DYM: variants seen among roughly 807,000 people sequenced by gnomAD.
The protein encoded by DYM is dyggve-Melchior-Clausen syndrome protein.
DYM carries 78 observed loss-of-function variants against 93.1 expected under a neutral mutation model. That is an observed-to-expected ratio of 0.84 (90% CI 0.70 to 1.01). The LOEUF is 1.01. DYM is among the 50% of genes least tolerant of loss of function. The pLI, the probability that DYM is intolerant of heterozygous loss-of-function variation, is 0.00. For synonymous variants in DYM, 321 were observed against 319.7 expected (o/e 1.00, Z -0.04); for missense variants, 789 against 845.0 (o/e 0.93, Z 0.82).
chr18:49,101,678 G>A (rs1487565631), intron 16 of DYM, among the ~76,000 whole-genome samples: 3 of 152,016 alleles, frequency 2.0e-5, no homozygotes, highest in African/African-American at 4.8e-5. Context: ...TTAAGACAAC[G>A]ATAAACATGT....
intron 13 of DYM, among the ~76,000 whole-genome samples, chr18:49,220,232 C>A (rs1380997467): frequency 2.0e-5 from 3 of 151,482 alleles, no homozygotes. Context: ...GAACTACAAA[C>A]CACTGCTCAA....
chr18:49,086,948 A>G (rs539430798), intron 17 of DYM, among the ~76,000 whole-genome samples: 1 of 152,240 alleles, frequency 6.6e-6, no homozygotes, highest in Non-Finnish European at 1.5e-5. Context: ...AGATCATGCC[A>G]CCGCACTCTA....
intron 8 of DYM, among the ~76,000 whole-genome samples, chr18:49,294,300 C>T (rs2060378785): frequency 6.6e-6 from 1 of 152,152 alleles, no homozygotes; most frequent in Non-Finnish European, 1.5e-5. Context: ...GCTATACAGG[C>T]TCTTTTTTGG....
intron 1 of DYM, among the ~76,000 whole-genome samples, chr18:49,458,852 C>T (rs2083233591): frequency 6.6e-6 from 1 of 151,390 alleles, no homozygotes; most frequent in Non-Finnish European, 1.5e-5. Flanking sequence ...CCACCACCAA[C>T]AAAAAAAAGC....
intron 6 of DYM, among the ~76,000 whole-genome samples, chr18:49,343,378 G>T (rs945397853): frequency 5.3e-5 from 8 of 152,170 alleles, no homozygotes; most frequent in African/African-American, 1.9e-4. Context: ...TGAAGCTGCT[G>T]TTCCCTCTGT....
chr18:49,039,155 T>C lies in DYM; in HGVS notation c.*4900A>G, dbSNP rs1243928657. Among the ~76,000 whole-genome samples, 1 of 152,198 alleles carries C rather than the reference T, an allele frequency of 6.6e-6. No individual in the cohort carries two copies. Among genetic ancestry groups the C allele is most frequent in the East Asian group, 1.9e-4 (1 of 5,202 alleles). On this transcript the variant is annotated 3_prime_UTR_variant, in exon 18 of 18. Coordinates refer to ENST00000675505, the MANE Select transcript of DYM (RefSeq NM_001353214.3). ...TAAAAATGTCTTCATATCCTCTTCA[T>C]TTTTGCAGGATATTTTCCCTGATTA...
rs187481754 is a variant in DYM at position 49,216,149 on chromosome 18, C to A, written c.1461-6434G>T. 3.4e-3 allele frequency among the ~76,000 whole-genome samples: 513 copies of A among 152,344 alleles called. 3 individuals are homozygous for A. Among genetic ancestry groups the A allele is most frequent in the African/African-American group, 0.011 (453 of 41,596 alleles). On this transcript the variant is annotated intron_variant, in intron 13 of 17. Transcript: ENST00000675505. ...TACACCCACGGAGTCTCACTGACTG[C>A]TAGCACAGCAGTCTGAGATCAAACT...
At chr18:49,134,991 C>A (rs368931941) in intron 15 of DYM, among the ~76,000 whole-genome samples, 1 of 151,958 alleles carries the variant, frequency 6.6e-6, no homozygotes, top group Non-Finnish European at 1.5e-5. Flanking sequence ...ACCTGTAATC[C>A]CAGCTACTCG....
intron 15 of DYM, among the ~76,000 whole-genome samples, chr18:49,119,859 G>C (rs1000029197): frequency 6.6e-6 from 1 of 152,000 alleles, no homozygotes; most frequent in South Asian, 2.1e-4. Context: ...AGGCCAAGGT[G>C]GGCAGATCAC....
At chr18:49,269,765 T>C (rs2094644757) in intron 11 of DYM, among the ~76,000 whole-genome samples, 1 of 152,158 alleles carries the variant, frequency 6.6e-6, no homozygotes, top group African/African-American at 2.4e-5. Flanking sequence ...TCCAGTAAGC[T>C]AAGGGTAATT....
intron 17 of DYM, 116 bp from the exon 18 acceptor site, chr18:49,044,320 G>A: frequency 2.7e-6 from 3 of 1,096,232 alleles, no homozygotes; most frequent in East Asian, 4.7e-5. Context: ...CTGCCAACTG[G>A]TCACAGGGCA....
chr18:49,261,984 T>C (rs2094497596), intron 11 of DYM, among the ~76,000 whole-genome samples: 1 of 152,236 alleles, frequency 6.6e-6, no homozygotes, highest in Non-Finnish European at 1.5e-5. Context: ...AATAGTACCA[T>C]ACATAATGTA....
intron 14 of DYM, among the ~76,000 whole-genome samples, chr18:49,185,807 G>C (rs1393645980): frequency 1.3e-5 from 2 of 152,146 alleles, no homozygotes; most frequent in Non-Finnish European, 1.5e-5. Context: ...TTACCAGCTG[G>C]TCAGTGGCAG....
rs1464261291 is a variant in DYM at position 49,198,040 on chromosome 18, C to T, written c.1625+11511G>A. On this transcript the variant is annotated intron_variant, in intron 14 of 17. Transcript: ENST00000675505. ...ACTGGTACCAAAACAGAGATATAGA[C>T]CAATGGAACAGAACAGAGCCCTCAG... 1.1e-4 allele frequency among the ~76,000 whole-genome samples: 16 copies of T among 152,230 alleles called. No individual in the cohort carries two copies. The East Asian group carries it at 1.2e-3, about 11-fold the overall frequency.
intron 17 of DYM, among the ~76,000 whole-genome samples, chr18:49,058,609 G>A (rs1193915617): frequency 1.3e-5 from 2 of 152,106 alleles, no homozygotes; most frequent in Non-Finnish European, 2.9e-5. Context: ...CACACTGCCT[G>A]ACACAAATTT....
At chr18:49,436,760 G>T (rs1284700857) in intron 1 of DYM, among the ~76,000 whole-genome samples, 1 of 151,996 alleles carries the variant, frequency 6.6e-6, no homozygotes, top group African/African-American at 2.4e-5. Flanking sequence ...GGGTCCTCCT[G>T]GCTCTACCAT....
chr18:49,224,969 C>T (rs2093478159), intron 13 of DYM, among the ~76,000 whole-genome samples: 1 of 152,008 alleles, frequency 6.6e-6, no homozygotes, highest in Non-Finnish European at 1.5e-5. Context: ...GAGTGGTTAC[C>T]AGTGTCAAAT....
intron 14 of DYM, among the ~76,000 whole-genome samples, chr18:49,192,005 T>G (rs1600493378): frequency 6.6e-6 from 1 of 151,718 alleles, no homozygotes; most frequent in African/African-American, 2.4e-5. Flanking sequence ...AGTGCAATCA[T>G]AGCTCACTGC....
intron 3 of DYM, among the ~76,000 whole-genome samples, chr18:49,382,083 C>T (rs1426599007): frequency 6.6e-6 from 1 of 152,028 alleles, no homozygotes; most frequent in Non-Finnish European, 1.5e-5. Context: ...TTCAACAGCC[C>T]CCTTTATTAC....
Sources: gnomAD v4.1 joint callset for allele counts (sites outside exome capture counted in the v4.1 genomes callset) on GRCh38, gnomAD v4.1.1 for gene constraint, MANE v1.5 for transcripts, NCBI Gene and HGNC (gene_info 2026-07-23, HGNC 2026-07-21) for gene names.